The following NEU3 variants were observed in gnomAD, a reference collection of about 807,000 sequenced individuals.
The protein encoded by NEU3 is sialidase-3.
In NEU3, 10 loss-of-function variants were observed where a neutral mutation model predicts 11.4. The ratio of observed to expected loss-of-function variants is 0.88; its 90% confidence interval spans 0.54 to 1.49. The LOEUF (loss-of-function observed/expected upper bound fraction) is 1.49. Among genes scored for constraint, NEU3 ranks in the 40% most tolerant of loss-of-function variants. The pLI is 0.00. For missense variants in NEU3, 529 were observed against 581.8 expected, an observed-to-expected ratio of 0.91 and a Z score of 0.93; for synonymous variants, 212 against 228.2, an observed-to-expected ratio of 0.93 and a Z score of 0.64.
At chr11:75,017,262 G>C (rs79736723) in intron 3 of NEU3, among the ~76,000 whole-genome samples, 1 of 152,142 alleles carries the variant, frequency 6.6e-6, no homozygotes, top group Non-Finnish European at 1.5e-5. Flanking sequence ...CAGAGTTGGG[G>C]CAGATCCTTG....
At chr11:75,019,272 T>A (rs1591767141), downstream of NEU3, among the ~76,000 whole-genome samples, 1 of 152,326 alleles carries the variant, frequency 6.6e-6, no homozygotes. Flanking sequence ...CGGATGTTGA[T>A]CCCCAAGACA....
rs1948906404 is a variant in NEU3 at position 75,006,984 on chromosome 11, T to G, written c.*492T>G. On this transcript the variant is annotated 3_prime_UTR_variant, in exon 3 of 3. Transcript: ENST00000294064. ...TGTCATGGCAGGAAGGAAGACCAGA[T>G]CTGTATGATTTGTTCCATTTTTAAT... The G allele has an allele frequency of 6.4e-6, 1 of 155,286 alleles. No individual in the cohort carries two copies. Among genetic ancestry groups the G allele is most frequent in the African/African-American group, 2.4e-5 (1 of 41,434 alleles). 9.6% of individuals were successfully genotyped at this position (155,286 alleles called of 1,614,324 possible). A position where few individuals can be genotyped will look rare whatever the true frequency, so the allele number is the denominator to read the frequency against.
downstream of NEU3, among the ~76,000 whole-genome samples, chr11:75,013,169 G>A (rs1948965794): frequency 2.6e-5 from 4 of 152,210 alleles, no homozygotes; most frequent in Admixed American, 1.3e-4. Flanking sequence ...CCTGATGGAT[G>A]ACTTTGTGCA....
At chr11:74,984,985 G>T (rs1948656974), upstream of NEU3, among the ~76,000 whole-genome samples, 1 of 152,142 alleles carries the variant, frequency 6.6e-6, no homozygotes. Context: ...CTAGGAAGTG[G>T]GAAGAGAGGA....
At chr11:75,020,510 A>G (rs959893690), downstream of NEU3, among the ~76,000 whole-genome samples, 1 of 152,152 alleles carries the variant, frequency 6.6e-6, no homozygotes, top group African/African-American at 2.4e-5. Flanking sequence ...AACAAGTCTC[A>G]TGAGGTCTGA....
downstream of NEU3, among the ~76,000 whole-genome samples, chr11:75,014,498 C>A (rs1948972916): frequency 6.6e-6 from 1 of 152,178 alleles, no homozygotes; most frequent in African/African-American, 2.4e-5. Context: ...GCCAAAGAAG[C>A]AAGGCATTGT....
In NEU3 at chr11:75,006,206, C is replaced by G. The variant is rs1948898112; in HGVS notation, c.1100C>G (p.Pro367Arg). 6.2e-7 allele frequency: 1 copy of G among 1,613,994 alleles called. No homozygotes were observed. Among genetic ancestry groups the G allele is most frequent in the Admixed American group, 1.7e-5 (1 of 60,020 alleles). Residue 367 changes from proline (P) to arginine (R), a missense_variant, in exon 3 of 3, where the codon CCA (proline) becomes CGA (arginine). By Grantham distance (103) the Pro-to-Arg change is moderately radical. Transcript: ENST00000294064. ...GAATCATGGCTCTTGTACTCACACCCAACCAGTAGGAAACAGAGGGTTGAC... is the reference window on the plus strand; with the variant it reads ...GAATCATGGCTCTTGTACTCACACCGAACCAGTAGGAAACAGAGGGTTGAC... ...PSESWLLYSHPTSRKQRVDLG... is the reference protein window; with the variant it reads ...PSESWLLYSHRTSRKQRVDLG...
At chr11:74,983,762 GCT>G (rs1172415605), upstream of NEU3, among the ~76,000 whole-genome samples, 3 of 152,194 alleles carry the variant, frequency 2.0e-5, no homozygotes, top group Non-Finnish European at 4.4e-5. Context: ...TGATAGAATT[GCT>G]CTTCCTCTTT....
chr11:75,006,693 G>A lies in NEU3; in HGVS notation c.*201G>A. On this transcript the variant is annotated 3_prime_UTR_variant, in exon 3 of 3. Coordinates refer to ENST00000294064, the MANE Select transcript of NEU3 (RefSeq NM_006656.6). Reference sequence around the variant, plus strand: ...CACTGAACTAGGAGTTGGAAGACAAGGATGTGGTCCTGGCTCTGCCACTGG... The same window carrying A: ...CACTGAACTAGGAGTTGGAAGACAAAGATGTGGTCCTGGCTCTGCCACTGG... The A allele has an allele frequency of 1.7e-6, 1 of 594,020 alleles. No individual in the cohort carries two copies. The highest frequency in any genetic ancestry group is 1.9e-5 in the African/African-American group (1 of 53,712). The allele number at this position is 594,020 out of a possible 1,614,324, so 36.8% of individuals were successfully genotyped here. A position where few individuals can be genotyped will look rare whatever the true frequency, so the allele number is the denominator to read the frequency against.
downstream of NEU3, among the ~76,000 whole-genome samples, chr11:75,013,996 C>A (rs1948970874): frequency 6.6e-6 from 1 of 152,152 alleles, no homozygotes; most frequent in Admixed American, 6.5e-5. Flanking sequence ...TAAGAGGCAG[C>A]TGATGAGGCA....
At position 75,005,593 on chromosome 11, in the gene NEU3, T is replaced by C. The variant is rs375035167; in HGVS notation, c.487T>C (p.Tyr163His). 7 of 1,613,900 alleles carry C rather than the reference T, an allele frequency of 4.3e-6. No individual in the cohort carries two copies. In the African/African-American group the frequency reaches 9.3e-5, roughly 22 times the overall value. ...GAATGCTGCCCGCCTTTGCTTCATC[T>C]ACAGTCAGGATGCTGGATGTTCATG... ...GRNAARLCFI[Y>H]SQDAGCSWSE... The change falls in exon 3 of 3, where the codon TAC (tyrosine) becomes CAC (histidine). Residue 163 changes from tyrosine to histidine, a missense_variant. Transcript: ENST00000294064.
At chr11:74,985,062 G>A (rs915170462), upstream of NEU3, among the ~76,000 whole-genome samples, 4 of 152,174 alleles carry the variant, frequency 2.6e-5, no homozygotes, top group Non-Finnish European at 5.9e-5. Context: ...TCAGGCATAA[G>A]ATGAGACCAT....
At chr11:75,004,281 ATTTTG>A in intron 2 of NEU3, 1 of 679,216 alleles carries the variant, frequency 1.5e-6, no homozygotes, top group Non-Finnish European at 2.7e-6. Flanking sequence ...CAATTTAGTT[ATTTTG>A]TTTTATTTTT....
chr11:75,011,735 A>G (rs368604541), downstream of NEU3, among the ~76,000 whole-genome samples: 4 of 50,558 alleles, frequency 7.9e-5, no homozygotes, highest in African/African-American at 1.9e-4. Context: ...GCTTGCAACC[A>G]AAAGAATTTA....
downstream of NEU3, among the ~76,000 whole-genome samples, chr11:75,013,062 A>G (rs1413861580): frequency 6.6e-6 from 1 of 152,242 alleles, no homozygotes; most frequent in Non-Finnish European, 1.5e-5. Flanking sequence ...ATTACCTAAC[A>G]GTACATTACC....
downstream of NEU3, among the ~76,000 whole-genome samples, chr11:75,011,834 C>CT (rs796716587): frequency 3.8e-4 from 57 of 148,802 alleles, no homozygotes; most frequent in Middle Eastern, 3.5e-3. Flanking sequence ...GAGGAGTTAA[C>CT]TTTTTTTTTT....
intron 1 of NEU3, chr11:74,989,920 C>CATTT: frequency 1.4e-6 from 1 of 697,414 alleles, no homozygotes; most frequent in Non-Finnish European, 2.6e-6. Flanking sequence ...TAAATGAACC[C>CATTT]CAGAGCAGGC....
At chr11:74,993,977 C>T (rs1250773916) in intron 1 of NEU3, among the ~76,000 whole-genome samples, 1 of 151,942 alleles carries the variant, frequency 6.6e-6, no homozygotes, top group Non-Finnish European at 1.5e-5. Flanking sequence ...TAAGTTTCAA[C>T]ATGAGTTTTA....
chr11:75,004,507 G>T, intron 2 of NEU3: 1 of 447,314 alleles, frequency 2.2e-6, no homozygotes, highest in Non-Finnish European at 3.9e-6. Context: ...CATTTCTGTT[G>T]GATTCCTGGA....
Sources: allele counts gnomAD v4.1 joint callset (sites outside exome capture counted in the v4.1 genomes callset), GRCh38; gene constraint gnomAD v4.1.1; transcripts MANE v1.5; gene names NCBI Gene and HGNC (gene_info 2026-07-23, HGNC 2026-07-21).